The following UMAD1 variants were observed in gnomAD, a reference collection of about 807,000 sequenced individuals.
UMAD1 encodes the protein UBAP1-MVB12-associated (UMA)-domain containing protein 1.
In UMAD1, 8 loss-of-function variants were observed where a neutral mutation model predicts 6.1. That is an observed-to-expected ratio of 1.30 (90% CI 0.76 to 2.35). The LOEUF is 2.35. Among genes scored for constraint, UMAD1 ranks in the 30% most tolerant of loss-of-function variants. The pLI is 0.00. For missense variants in UMAD1, 130 were observed against 78.4 expected (o/e 1.66, Z -2.49); for synonymous variants, 56 against 31.4 (o/e 1.78, Z -2.61).
chr7:7,701,255 T>C (rs1780456833), intron 2 of UMAD1, among the ~76,000 whole-genome samples: 1 of 152,200 alleles, frequency 6.6e-6, no homozygotes, highest in South Asian at 2.1e-4. Context: ...CTTAGAGCCC[T>C]AAAACCTCAT....
intron 2 of UMAD1, among the ~76,000 whole-genome samples, chr7:7,704,241 T>C (rs1467834300): frequency 3.9e-5 from 6 of 152,208 alleles, no homozygotes; most frequent in Non-Finnish European, 8.8e-5. Context: ...TACCTTTCTT[T>C]TTGTTTTGGA....
intron 2 of UMAD1, among the ~76,000 whole-genome samples, chr7:7,753,642 TAA>T (rs35626481): frequency 0.16 from 23,818 of 152,150 alleles, 1,949 homozygotes; most frequent in African/African-American, 0.2. Context: ...CCATTGTGTA[TAA>T]ATACCACGTT....
At chr7:7,692,093 G>C (rs969246948) in intron 2 of UMAD1, among the ~76,000 whole-genome samples, 1 of 152,124 alleles carries the variant, frequency 6.6e-6, no homozygotes, top group Non-Finnish European at 1.5e-5. Context: ...TACCCCTGGG[G>C]TTCCATTCTG....
chr7:7,814,996 A>G (rs573556448), intron 3 of UMAD1, among the ~76,000 whole-genome samples: 13 of 152,270 alleles, frequency 8.5e-5, no homozygotes, highest in African/African-American at 2.6e-4. Flanking sequence ...CAGCCACTTC[A>G]TGGTCTCCCT....
chr7:7,680,109 C>G (rs142199363), intron 2 of UMAD1, among the ~76,000 whole-genome samples: 1 of 152,026 alleles, frequency 6.6e-6, no homozygotes, highest in East Asian at 1.9e-4. Context: ...CTCAAGAAAT[C>G]TTTGTTCAGA....
At chr7:7,803,504 A>T (rs1165695625) in intron 3 of UMAD1, among the ~76,000 whole-genome samples, 1 of 152,202 alleles carries the variant, frequency 6.6e-6, no homozygotes, top group East Asian at 1.9e-4. Flanking sequence ...GGGATTTGGG[A>T]GATAACCACC....
chr7:7,737,709 T>G (rs1781388473), intron 2 of UMAD1, among the ~76,000 whole-genome samples: 2 of 152,322 alleles, frequency 1.3e-5, no homozygotes, highest in South Asian at 4.1e-4. Flanking sequence ...CATCAAAAAA[T>G]GATTGTTTTT....
intron 3 of UMAD1, among the ~76,000 whole-genome samples, chr7:7,805,560 T>C (rs934400381): frequency 2.6e-5 from 4 of 152,122 alleles, no homozygotes; most frequent in Non-Finnish European, 4.4e-5. Flanking sequence ...ATATGTCAGA[T>C]CACATCACTC....
chr7:7,873,722 C>T (rs1784368004), intron 3 of UMAD1, among the ~76,000 whole-genome samples: 1 of 152,140 alleles, frequency 6.6e-6, no homozygotes, highest in African/African-American at 2.4e-5. Flanking sequence ...TGACGAGTTC[C>T]TTCTCTATAA....
intron 2 of UMAD1, among the ~76,000 whole-genome samples, chr7:7,719,842 A>T (rs576734342): frequency 6.6e-5 from 10 of 152,386 alleles, no homozygotes; most frequent in African/African-American, 2.4e-4. Context: ...TAGACTATTT[A>T]ATTCTGTACA....
chr7:7,642,713 A>C (rs551276331), intron 1 of UMAD1, among the ~76,000 whole-genome samples: 37 of 152,328 alleles, frequency 2.4e-4, no homozygotes, highest in African/African-American at 6.7e-4. Flanking sequence ...AAATGAATCC[A>C]TGGGGCCTGT....
chr7:7,785,818 C>G (rs1260357459), intron 2 of UMAD1, among the ~76,000 whole-genome samples: 1 of 151,946 alleles, frequency 6.6e-6, no homozygotes, highest in Non-Finnish European at 1.5e-5. Context: ...ACAAAGAGTA[C>G]CTAGGAGGAG....
At chr7:7,704,790 A>AG in intron 2 of UMAD1, among the ~76,000 whole-genome samples, 1 of 150,442 alleles carries the variant, frequency 6.6e-6, no homozygotes, top group East Asian at 1.9e-4. Context: ...AAAAAAAAAA[A>AG]AAAGACTTGC....
chr7:7,825,975 T>TA (rs1783332751), intron 3 of UMAD1, among the ~76,000 whole-genome samples: 1 of 152,182 alleles, frequency 6.6e-6, no homozygotes. Flanking sequence ...AGATTACTTG[T>TA]AAAAGTTAAT....
rs114329355 is a variant in UMAD1, at chr7:7,683,020, C to T, written c.82+9567C>T. On this transcript the variant is annotated intron_variant, in intron 2 of 3. Coordinates refer to ENST00000682710, the MANE Select transcript of UMAD1 (RefSeq NM_001302348.2). ...TGAAAAAGTTAGGTTAGGCCATCCC[C>T]GTGTGGGGTACACCACCCTTCCTTA... Among the ~76,000 whole-genome samples, 362 of 152,312 alleles carry T rather than the reference C, an allele frequency of 2.4e-3. 4 individuals are homozygous for T. The highest frequency in any genetic ancestry group is 7.8e-3 in the African/African-American group (324 of 41,574).
At chr7:7,708,710 A>G (rs1278536427) in intron 2 of UMAD1, among the ~76,000 whole-genome samples, 1 of 152,184 alleles carries the variant, frequency 6.6e-6, no homozygotes, top group Non-Finnish European at 1.5e-5. Flanking sequence ...TAATTAGTAA[A>G]TAAGCTGATT....
chr7:7,844,595 C>A (rs1279453257), intron 3 of UMAD1, among the ~76,000 whole-genome samples: 4 of 152,124 alleles, frequency 2.6e-5, no homozygotes, highest in African/African-American at 9.7e-5. Flanking sequence ...ATGACTTCAC[C>A]TAACACATGA....
At chr7:7,665,579 T>C (rs902187366) in intron 1 of UMAD1, among the ~76,000 whole-genome samples, 3 of 152,226 alleles carry the variant, frequency 2.0e-5, no homozygotes, top group Non-Finnish European at 4.4e-5. Flanking sequence ...TGATGAGTTT[T>C]GATGTGTGCT....
chr7:7,823,136 A>C (rs1029813583), intron 3 of UMAD1, among the ~76,000 whole-genome samples: 1 of 152,156 alleles, frequency 6.6e-6, no homozygotes, highest in Admixed American at 6.6e-5. Flanking sequence ...ATAATTAGTC[A>C]TTTAAGCTCA....
Sources: allele counts gnomAD v4.1 joint callset (sites outside exome capture counted in the v4.1 genomes callset), GRCh38; gene constraint gnomAD v4.1.1; transcripts MANE v1.5; gene names NCBI Gene and HGNC (gene_info 2026-07-23, HGNC 2026-07-21).